The following RUSC1 variants were observed in gnomAD, a reference collection of about 807,000 sequenced individuals.
RUSC1 encodes RUN and SH3 domain containing 1, also known as AP-4 complex accessory subunit RUSC1.
A neutral mutation model predicts 72.1 loss-of-function variants in RUSC1; 40 were observed. The ratio of observed to expected loss-of-function variants is 0.55; its 90% CI spans 0.43 to 0.72. The LOEUF is 0.72. RUSC1 is among the 30% of genes least tolerant of loss of function. The pLI is 0.00. For synonymous variants in RUSC1, 512 were observed against 494.2 expected (o/e 1.04, Z -0.48); for missense variants, 1,092 against 1,172.3 (o/e 0.93, Z 1.00).
chr1:155,325,360 G>A lies in RUSC1; in HGVS notation c.1578G>A (p.Leu526=), dbSNP rs1651234737. The change falls in exon 5 of 10, where the codon CTG becomes CTA. Residue 526 remains leucine (L), a synonymous_variant. Coordinates refer to ENST00000368352, the MANE Select transcript of RUSC1 (RefSeq NM_001105203.2). This position sits in a 1 kb window ranked among gnomAD's most constrained non-coding sequence, Gnocchi z 6.5. The stretch of plus-strand genomic sequence containing the variant: ...GGCTGAGCCCGGATGTGGGGCACCT[G>A]GTGCTGACCACCCTCTGCCCGGCCC... The part of the protein sequence containing the change: ...DSRLSPDVGH[L]VLTTLCPALH... 6.3e-7 allele frequency: 1 copy of A among 1,598,156 alleles called. No individual in the cohort carries two copies. Among genetic ancestry groups the A allele is most frequent in the Non-Finnish European group, 8.5e-7 (1 of 1,176,594 alleles).
chr1:155,322,933 C>T lies in RUSC1; in HGVS notation c.1160C>T (p.Pro387Leu). The T allele has an allele frequency of 1.2e-6, 2 of 1,601,944 alleles. No individual in the cohort carries two copies. The highest frequency in any genetic ancestry group is 1.7e-5 in the Admixed American group (1 of 59,116). Residue 387 changes from proline (P) to leucine (L), a missense_variant, in exon 2 of 10, where the codon CCT becomes CTT. By Grantham distance (98) the Pro-to-Leu change is moderately conservative. Transcript: ENST00000368352. ...RSRAPAPPVP[P>L]RDPPVGWALV... ...CGGGCCCCAGCCCCGCCAGTCCCGC[C>T]TCGAGACCCCCCAGTTGGCTGGGCT...
intron 9 of RUSC1, among the ~76,000 whole-genome samples, chr1:155,329,866 G>C (rs1467141631): frequency 1.3e-5 from 2 of 150,400 alleles, no homozygotes; most frequent in South Asian, 4.3e-4. Context: ...GCTGAGGCAG[G>C]AGAATTGCTT....
chr1:155,321,502 C>T (rs375586893), intron 1 of RUSC1, 186 bp from the exon 2 acceptor site: 1 of 1,471,502 alleles, frequency 6.8e-7, no homozygotes, highest in Non-Finnish European at 9.1e-7. Context: ...CGGGGGGTTA[C>T]ATTCGACTCC....
chr1:155,328,605 AT>A lies in RUSC1; in HGVS notation c.2540+343del, dbSNP rs918034911. Among the ~76,000 whole-genome samples the A allele has an allele frequency of 4.4e-3, 618 of 139,690 alleles. 3 individuals carry two copies. Among genetic ancestry groups the A allele is most frequent in the African/African-American group, 0.013 (484 of 37,944 alleles). 91.6% of individuals were successfully genotyped at this position (139,690 alleles called of 152,430 possible). A position where few individuals can be genotyped will look rare whatever the true frequency, so the allele number is the denominator to read the frequency against. ...CCACCATGCCCGTTTAAGTTTTGGA[AT>A]TTTTTTTTTTTTGAGATGGAGTCTA... On this transcript the variant is annotated intron_variant, in intron 9 of 9. Coordinates refer to ENST00000368352, the MANE Select transcript of RUSC1 (RefSeq NM_001105203.2).
chr1:155,321,891 C>G lies in RUSC1; in HGVS notation c.118C>G (p.Pro40Ala). ...GCTACAGGAGGGGCCTTTGAGCACACCCCCTCCTCCAGGAGACACTGGGGG... is the reference window on the plus strand; with the variant it reads ...GCTACAGGAGGGGCCTTTGAGCACAGCCCCTCCTCCAGGAGACACTGGGGG... ...PELQEGPLST[P>A]PPPGDTGGKE... Residue 40 changes from proline to alanine, a missense_variant, in exon 2 of 10, where the codon CCC becomes GCC. Pro to Ala is a conservative substitution (Grantham distance 27). Coordinates refer to ENST00000368352, the MANE Select transcript of RUSC1 (RefSeq NM_001105203.2). 1 of 1,612,286 alleles carries G rather than the reference C, an allele frequency of 6.2e-7. No individual in the cohort carries two copies.
chr1:155,325,823 C>T lies in RUSC1; in HGVS notation c.1815-41C>T, dbSNP rs529389863. On this transcript the variant is annotated intron_variant, in intron 6 of 9. Transcript: ENST00000368352. This position sits in a 1 kb window ranked among gnomAD's most constrained non-coding sequence, Gnocchi z 6.5. ...CCTCCACCCAGAGAGGACTGGAGTC[C>T]TCCACCTCCCTGAACTTCCATTCCC... 6.2e-7 allele frequency: 1 copy of T among 1,611,898 alleles called. No homozygotes were observed. The highest frequency in any genetic ancestry group is 8.5e-7 in the Non-Finnish European group (1 of 1,178,040).
chr1:155,328,311 C>T (rs368446387), intron 9 of RUSC1, 36 bp downstream of exon 9: 2 of 1,559,622 alleles, frequency 1.3e-6, no homozygotes, highest in Non-Finnish European at 1.7e-6. Context: ...TAGTGTGTAA[C>T]CATGTATGCT....
At position 155,325,730 on chromosome 1, in the gene RUSC1, G is replaced by A; in HGVS notation, c.1814+58G>A. ...GACCTGGGACTGCAGGAGCGTCATG[G>A]GTGGGACACAGTAGTAGTGCCTCAC... On this transcript the variant is annotated intron_variant, in intron 6 of 9. Coordinates refer to ENST00000368352, the MANE Select transcript of RUSC1 (RefSeq NM_001105203.2). This position sits in a 1 kb window ranked among gnomAD's most constrained non-coding sequence, Gnocchi z 6.5. The A allele has an allele frequency of 6.3e-7, 1 of 1,596,840 alleles. No individual in the cohort carries two copies. Among genetic ancestry groups the A allele is most frequent in the Non-Finnish European group, 8.6e-7 (1 of 1,165,608 alleles).
At chr1:155,324,033 C>A in intron 2 of RUSC1, 1 of 1,062,616 alleles carries the variant, frequency 9.4e-7, no homozygotes, top group East Asian at 9.4e-5. Flanking sequence ...TGGGCCGGCC[C>A]CCTCTCCCTC....
chr1:155,321,345 G>A (rs1384942927), intron 1 of RUSC1: 1 of 1,374,264 alleles, frequency 7.3e-7, no homozygotes, highest in Admixed American at 1.9e-5. Flanking sequence ...CCTTCCTCTG[G>A]GAGTAAGGGG....
In RUSC1 at chr1:155,323,098, C is replaced by A; in HGVS notation, c.1325C>A (p.Ala442Glu). The A allele has an allele frequency of 7.0e-7, 1 of 1,423,236 alleles. No homozygotes were observed. Among genetic ancestry groups the A allele is most frequent in the Non-Finnish European group, 9.1e-7 (1 of 1,093,160 alleles). 88.2% of individuals were successfully genotyped at this position (1,423,236 alleles called of 1,614,324 possible). Residue 442 changes from alanine (A) to glutamate (E), a missense_variant, in exon 2 of 10, where the codon GCG becomes GAG. Ala to Glu is a moderately radical substitution (Grantham distance 107). Coordinates refer to ENST00000368352, the MANE Select transcript of RUSC1 (RefSeq NM_001105203.2). ...SPAAGEEAPAAKEPGAQAGLE... is the reference protein window; with the variant it reads ...SPAAGEEAPAEKEPGAQAGLE... Reference sequence around the variant, plus strand: ...GCGGCTGGCGAGGAGGCCCCAGCCGCGAAGGAGCCGGGCGCGCAGGCCGGC... The same window carrying A: ...GCGGCTGGCGAGGAGGCCCCAGCCGAGAAGGAGCCGGGCGCGCAGGCCGGC...
chr1:155,324,385 C>G, intron 2 of RUSC1: 1 of 1,612,438 alleles, frequency 6.2e-7, no homozygotes. Flanking sequence ...CCTCCGTCTC[C>G]TCCCTTTCCC....
At position 155,322,113 on chromosome 1, in the gene RUSC1, C is replaced by G. The variant is rs148895370; in HGVS notation, c.340C>G (p.Pro114Ala). 102 of 1,611,412 alleles carry G rather than the reference C, an allele frequency of 6.3e-5. No individual in the cohort carries two copies. In the African/African-American group the frequency reaches 1.2e-3, roughly 19 times the overall value. The change falls in exon 2 of 10, where the codon CCC (proline) becomes GCC (alanine). Residue 114 changes from proline to alanine, a missense_variant. Coordinates refer to ENST00000368352, the MANE Select transcript of RUSC1 (RefSeq NM_001105203.2). ...ACTCAGCTCCTGCTCAGATCTTAGC[C>G]CCGATGAGTCCCCTGTCTCAGTCTA... is the stretch of plus-strand genomic sequence containing the variant. ...SSLSSCSDLS[P>A]DESPVSVYLR... is the part of the protein sequence containing the mutation.
chr1:155,330,376 C>G (rs1366213956), intron 9 of RUSC1, 27 bp from the exon 10 acceptor site: 2 of 1,611,938 alleles, frequency 1.2e-6, no homozygotes, highest in East Asian at 4.5e-5. Flanking sequence ...TCACCTCATC[C>G]CAGTATCTTC....
At chr1:155,328,967 A>T (rs1651724040) in intron 9 of RUSC1, among the ~76,000 whole-genome samples, 3 of 152,152 alleles carry the variant, frequency 2.0e-5, no homozygotes, top group Non-Finnish European at 4.4e-5. Flanking sequence ...TCCTGACCTC[A>T]GGTGATCCAC....
At position 155,326,823 on chromosome 1, in the gene RUSC1, T is replaced by C. The variant is rs1651465305; in HGVS notation, c.2105T>C (p.Leu702Pro). 6.2e-7 allele frequency: 1 copy of C among 1,613,496 alleles called. No homozygotes were observed. The highest frequency in any genetic ancestry group is 1.7e-5 in the Admixed American group (1 of 60,006). ...MQAMLHFGGR[L>P]AQSLRGTSKE... The stretch of plus-strand genomic sequence containing the variant: ...GCCATGCTGCACTTTGGGGGCCGGC[T>C]GGCCCAGAGCCTTCGGGGGACTTCC... The change falls in exon 8 of 10, where the codon CTG becomes CCG. Residue 702 changes from leucine to proline, a missense_variant. Coordinates refer to ENST00000368352, the MANE Select transcript of RUSC1 (RefSeq NM_001105203.2). The surrounding 1 kb of genome is among the most constrained non-coding windows in gnomAD (Gnocchi z 4.7).
chr1:155,328,801 T>C (rs866156869), intron 9 of RUSC1, among the ~76,000 whole-genome samples: 3 of 152,134 alleles, frequency 2.0e-5, no homozygotes, highest in Non-Finnish European at 2.9e-5. Context: ...GGTTTCACCA[T>C]GTTCGCCGGG....
chr1:155,326,077 TG>T lies in RUSC1; in HGVS notation c.1861+168del. On this transcript the variant is annotated intron_variant, in intron 7 of 9. Coordinates refer to ENST00000368352, the MANE Select transcript of RUSC1 (RefSeq NM_001105203.2). The surrounding 1 kb of genome is among the most constrained non-coding windows in gnomAD (Gnocchi z 4.7). ...CTAAGGAGGCCCATCGCCCATAGGA[TG>T]AAAGACCCAAAGCCTTGGCTGTCTG... is the stretch of plus-strand genomic sequence containing the variant. 1.3e-6 allele frequency: 1 copy of T among 743,788 alleles called. No individual in the cohort carries two copies. The highest frequency in any genetic ancestry group is 2.2e-6 in the Non-Finnish European group (1 of 449,602). The allele number at this position is 743,788 out of a possible 1,614,324, so 46.1% of individuals were successfully genotyped here.
chr1:155,328,438 ATTTTT>A (rs111541385), intron 9 of RUSC1, among the ~76,000 whole-genome samples, 163 bp downstream of exon 9: 1 of 141,966 alleles, frequency 7.0e-6, no homozygotes, highest in East Asian at 2.0e-4. Context: ...TGAGCCTTGG[ATTTTT>A]TTTTTTTTTT....
Sources: gnomAD v4.1 joint callset for allele counts (sites outside exome capture counted in the v4.1 genomes callset) on GRCh38, gnomAD v4.1.1 for gene constraint, Gnocchi (gnomAD v3.1) non-coding constraint, MANE v1.5 for transcripts, NCBI Gene and HGNC (gene_info 2026-07-23, HGNC 2026-07-21) for gene names.